The following TMEM62 variants were observed in gnomAD, a reference collection of about 807,000 sequenced individuals.
TMEM62 encodes transmembrane protein 62.
Under a neutral mutation model 70.4 loss-of-function variants are expected in TMEM62, and 41 were observed. The observed-to-expected ratio is 0.58, with a 90% CI of 0.45 to 0.76. TMEM62 has a LOEUF of 0.76. TMEM62 is among the 30% of genes least tolerant of loss of function. The probability of loss-of-function intolerance (pLI) is 0.00; values close to 1 mark genes in which losing one functional copy is unlikely to be tolerated. For synonymous variants in TMEM62, 268 were observed against 291.0 expected, an observed-to-expected ratio of 0.92 and a Z score of 0.80; for missense variants, 688 against 788.5, an observed-to-expected ratio of 0.87 and a Z score of 1.53.
At chr15:43,161,641 TTTTG>T (rs1382088143) in intron 10 of TMEM62, among the ~76,000 whole-genome samples, 1 of 152,114 alleles carries the variant, frequency 6.6e-6, no homozygotes, top group African/African-American at 2.4e-5. Context: ...TATATATGTA[TTTTG>T]TTTGTTTGCT....
chr15:43,133,163 C>T (rs1288435756), upstream of TMEM62: 1 of 152,116 alleles, frequency 6.6e-6, no homozygotes, highest in African/African-American at 2.4e-5. Context: ...GATCGCGCCA[C>T]TGCATTCCTG....
intron 2 of TMEM62, among the ~76,000 whole-genome samples, chr15:43,135,171 G>T (rs1292065109): frequency 6.6e-6 from 1 of 152,188 alleles, no homozygotes; most frequent in Non-Finnish European, 1.5e-5. Context: ...ATATTAGGCA[G>T]CCACTCAGAG....
chr15:43,163,118 G>T (rs1402640653), intron 10 of TMEM62, among the ~76,000 whole-genome samples: 1 of 151,362 alleles, frequency 6.6e-6, no homozygotes, highest in African/African-American at 2.4e-5. Flanking sequence ...TTGTCTTTTA[G>T]AGAAGCTATG....
In TMEM62 at chr15:43,163,699, G is replaced by A. The variant is rs565407865; in HGVS notation, c.1296+2905G>A. ...TGGGAGGCTGAGGCAGGAGAATGGC[G>A]TGAACCCGGGAGGCGGAGCTTGCAG... On this transcript the variant is annotated intron_variant, in intron 10 of 13. Coordinates refer to ENST00000260403, the MANE Select transcript of TMEM62 (RefSeq NM_024956.4). 4.5e-3 allele frequency among the ~76,000 whole-genome samples: 680 copies of A among 151,908 alleles called. 4 individuals carry two copies. The highest frequency in any genetic ancestry group is 0.016 in the African/African-American group (651 of 41,430).
rs2041305144 is a variant in TMEM62 at position 43,181,282 on chromosome 15, A to G, written c.1588A>G (p.Ile530Val). 5 of 1,610,000 alleles carry G rather than the reference A, an allele frequency of 3.1e-6. No homozygotes were observed. Among genetic ancestry groups the G allele is most frequent in the Admixed American group, 3.3e-5 (2 of 59,980 alleles). The change falls in exon 13 of 14, where the codon ATA becomes GTA. Residue 530 changes from isoleucine (I) to valine (V), a missense_variant. Physicochemically the swap from Ile to Val is conservative, Grantham distance 29. Coordinates refer to ENST00000260403, the MANE Select transcript of TMEM62 (RefSeq NM_024956.4). ...GHFLQGSITF[I>V]IGILQLAFFN... Reference sequence around the variant, plus strand: ...TTTCCTACAAGGCAGCATAACATTTATAATTGGAATTCTCCAGGTAAGAAG... The same window carrying G: ...TTTCCTACAAGGCAGCATAACATTTGTAATTGGAATTCTCCAGGTAAGAAG...
chr15:43,142,423 A>G (rs2036157640), intron 4 of TMEM62, among the ~76,000 whole-genome samples: 2 of 152,020 alleles, frequency 1.3e-5, no homozygotes, highest in Non-Finnish European at 2.9e-5. Context: ...TCGGCCTCCC[A>G]AAGTGCTGGG....
intron 10 of TMEM62, among the ~76,000 whole-genome samples, chr15:43,164,370 G>A (rs767058500): frequency 6.6e-6 from 1 of 151,878 alleles, no homozygotes; most frequent in African/African-American, 2.4e-5. Flanking sequence ...CACAATTACA[G>A]TGTCAGAGTA....
chr15:43,150,630 A>G (rs2141675668), intron 7 of TMEM62, among the ~76,000 whole-genome samples: 1 of 152,378 alleles, frequency 6.6e-6, no homozygotes, highest in South Asian at 2.1e-4. Flanking sequence ...TTTCATTTGT[A>G]TAAATTCAAT....
Position 43,168,062 on chromosome 15 carries a change from G to A in TMEM62, c.1297-1531G>A, listed in dbSNP as rs989032740. 1.1e-4 allele frequency among the ~76,000 whole-genome samples: 16 copies of A among 151,976 alleles called. No homozygotes were observed. In the South Asian group the frequency reaches 2.3e-3, roughly 22 times the overall value. Reference sequence around the variant, plus strand: ...TCAGGCCGGGAGGTTGCAGTGAGCCGAGATGGCAGCGGTACAGTCCAGCTT... The same window carrying A: ...TCAGGCCGGGAGGTTGCAGTGAGCCAAGATGGCAGCGGTACAGTCCAGCTT... On this transcript the variant is annotated intron_variant, in intron 10 of 13. Transcript: ENST00000260403.
At position 43,167,337 on chromosome 15, in the gene TMEM62, G is replaced by A. The variant is rs944218353; in HGVS notation, c.1297-2256G>A. ...TCCTCACTTCCCAGACGGGGTGGCT[G>A]CCGGGCGGAGGGGCTCCTCACTTCT... On this transcript the variant is annotated intron_variant, in intron 10 of 13. Coordinates refer to ENST00000260403, the MANE Select transcript of TMEM62 (RefSeq NM_024956.4). 1.3e-4 allele frequency among the ~76,000 whole-genome samples: 20 copies of A among 152,230 alleles called. 1 individual carries two copies. The highest frequency in any genetic ancestry group is 1.3e-3 in the Admixed American group (20 of 15,312).
In TMEM62 at chr15:43,146,618, T is replaced by A; in HGVS notation, c.602T>A (p.Phe201Tyr). Residue 201 changes from phenylalanine (F) to tyrosine (Y), a missense_variant, in exon 5 of 14, where the codon TTT becomes TAT. Physicochemically the swap from Phe to Tyr is conservative, Grantham distance 22. Coordinates refer to ENST00000260403, the MANE Select transcript of TMEM62 (RefSeq NM_024956.4). ...NPGPKRPYNF[F>Y]GILDKKKMEE... ...GGGCCTAAGAGACCCTATAATTTCT[T>A]TGGAATTTTAGATAAGGTGCAGTAA... The A allele has an allele frequency of 6.2e-7, 1 of 1,605,810 alleles. No individual in the cohort carries two copies. Among genetic ancestry groups the A allele is most frequent in the African/African-American group, 1.3e-5 (1 of 74,430 alleles).
chr15:43,151,768 C>A (rs764786220), intron 7 of TMEM62, 22 bp from the exon 8 acceptor site: 1 of 1,607,748 alleles, frequency 6.2e-7, no homozygotes, highest in South Asian at 1.1e-5. Flanking sequence ...ACTAAATTAC[C>A]TTATCATTAT....
chr15:43,150,315 G>A (rs2037206787), intron 7 of TMEM62, among the ~76,000 whole-genome samples: 1 of 152,172 alleles, frequency 6.6e-6, no homozygotes, highest in Non-Finnish European at 1.5e-5. Context: ...TGCCTTTTGT[G>A]AGATAGTCTT....
At chr15:43,144,995 A>G (rs1212604053) in intron 4 of TMEM62, among the ~76,000 whole-genome samples, 1 of 151,446 alleles carries the variant, frequency 6.6e-6, no homozygotes, top group Non-Finnish European at 1.5e-5. Context: ...AAAAAAAATT[A>G]AAGTTAAATC....
chr15:43,141,119 C>T (rs559936031), intron 4 of TMEM62, among the ~76,000 whole-genome samples: 2 of 152,298 alleles, frequency 1.3e-5, no homozygotes, highest in Admixed American at 6.5e-5. Flanking sequence ...CTCTGGGTGC[C>T]CCATCTCATC....
chr15:43,157,323 G>T (rs990557076), intron 9 of TMEM62, among the ~76,000 whole-genome samples: 5 of 152,102 alleles, frequency 3.3e-5, no homozygotes, highest in Non-Finnish European at 5.9e-5. Flanking sequence ...AATCTCTCCA[G>T]GTGATTCTGA....
At chr15:43,167,372 C>T (rs1317844669) in intron 10 of TMEM62, among the ~76,000 whole-genome samples, 72 of 149,622 alleles carry the variant, frequency 4.8e-4, no homozygotes, top group Admixed American at 1.1e-3. Flanking sequence ...TCAGACGGGG[C>T]GGCTGCTGGG....
Position 43,134,002 on chromosome 15 carries a change from G to A in TMEM62, c.180+20G>A. 7.0e-7 allele frequency: 1 copy of A among 1,436,180 alleles called. No individual in the cohort carries two copies. The highest frequency in any genetic ancestry group is 9.1e-7 in the Non-Finnish European group (1 of 1,100,510). The allele number at this position is 1,436,180 out of a possible 1,614,324, so 89.0% of individuals were successfully genotyped here. On this transcript the variant is annotated intron_variant, in intron 1 of 13. Coordinates refer to ENST00000260403, the MANE Select transcript of TMEM62 (RefSeq NM_024956.4). Reference sequence around the variant, plus strand: ...CTGCAGGTGACGCGGCGGGAAGCCGGGCCGGGAGGCAGGTGCAGATCGGGC... The same window carrying A: ...CTGCAGGTGACGCGGCGGGAAGCCGAGCCGGGAGGCAGGTGCAGATCGGGC...
At chr15:43,136,919 T>C (rs2035302826) in intron 3 of TMEM62, among the ~76,000 whole-genome samples, 1 of 152,122 alleles carries the variant, frequency 6.6e-6, no homozygotes, top group African/African-American at 2.4e-5. Flanking sequence ...CTGCTAATTT[T>C]TGAAGTTTTT....
Sources: gnomAD v4.1 joint callset for allele counts (sites outside exome capture counted in the v4.1 genomes callset) on GRCh38, gnomAD v4.1.1 for gene constraint, MANE v1.5 for transcripts, NCBI Gene and HGNC (gene_info 2026-07-23, HGNC 2026-07-21) for gene names.